COL27A1: variants seen among roughly 807,000 people sequenced by gnomAD.
COL27A1 encodes collagen type XXVII alpha 1 chain, also known as collagen alpha-1(XXVII) chain.
A neutral mutation model predicts 251.3 loss-of-function variants in COL27A1; 106 were observed. The observed-to-expected ratio is 0.42, with a 90% CI of 0.36 to 0.50. The LOEUF is 0.50. COL27A1 is among the 20% of genes least tolerant of loss of function. COL27A1 has a pLI of 0.00. For synonymous variants in COL27A1, 1,000 were observed against 986.3 expected, an observed-to-expected ratio of 1.01 and a Z score of -0.26; for missense variants, 2,325 against 2,522.8, an observed-to-expected ratio of 0.92 and a Z score of 1.68.
At chr9:114,155,222 C>T (rs887364091), upstream of COL27A1, among the ~76,000 whole-genome samples, 2 of 152,076 alleles carry the variant, frequency 1.3e-5, no homozygotes, top group African/African-American at 4.8e-5. The surrounding 1 kb of genome is among the most constrained non-coding windows in gnomAD (Gnocchi z 5.5). Context: ...TGGCCCTTCT[C>T]CCCTACCCCA....
chr9:114,200,748 AC>A (rs1829508627), intron 7 of COL27A1, among the ~76,000 whole-genome samples: 1 of 151,980 alleles, frequency 6.6e-6, no homozygotes, highest in Non-Finnish European at 1.5e-5. Context: ...AAGACCCTCT[AC>A]TCTAGGCATG....
intron 7 of COL27A1, among the ~76,000 whole-genome samples, chr9:114,199,964 T>TCTCC: frequency 6.6e-6 from 1 of 152,294 alleles, no homozygotes; most frequent in African/African-American, 2.4e-5. Flanking sequence ...GACTTGCTTC[T>TCTCC]CTCCAGCCTG....
At chr9:114,197,876 C>T (rs1021276451) in intron 7 of COL27A1, among the ~76,000 whole-genome samples, 2 of 152,210 alleles carry the variant, frequency 1.3e-5, no homozygotes, top group African/African-American at 4.8e-5. Flanking sequence ...GGGTGCTGGG[C>T]GAAGTGTCGG....
chr9:114,159,334 G>A (rs1026078591), intron 1 of COL27A1, among the ~76,000 whole-genome samples: 1 of 152,176 alleles, frequency 6.6e-6, no homozygotes, highest in Non-Finnish European at 1.5e-5. Context: ...AACTGACCGA[G>A]AAGGACATGT....
intron 16 of COL27A1, among the ~76,000 whole-genome samples, chr9:114,234,218 A>G (rs1832185676): frequency 6.6e-6 from 1 of 150,992 alleles, no homozygotes; most frequent in Non-Finnish European, 1.5e-5. Context: ...ACATTAAAAA[A>G]AAAAAAAAAA....
In COL27A1 at chr9:114,209,713, G is replaced by T. The variant is rs780610448; in HGVS notation, c.2307G>T (p.Gly769=). The T allele has an allele frequency of 1.7e-5, 28 of 1,614,066 alleles. No homozygotes were observed. In the Admixed American group the frequency reaches 2.7e-4, roughly 15 times the overall value. ...IGLPGLFGLP[G]SDGERGLPGV... is the part of the protein sequence containing the mutation. ...TCCCAGGGCTCTTCGGCCTGCCAGGGTCTGATGGAGAACGAGTAAGTTTGC... is the reference window on the plus strand; with the variant it reads ...TCCCAGGGCTCTTCGGCCTGCCAGGTTCTGATGGAGAACGAGTAAGTTTGC... The change falls in exon 11 of 61, where the codon GGG becomes GGT. Residue 769 remains glycine (G), a synonymous_variant. Coordinates refer to ENST00000356083, the MANE Select transcript of COL27A1 (RefSeq NM_032888.4).
chr9:114,242,164 T>C (rs1832807179), intron 21 of COL27A1, 23 bp from the exon 22 acceptor site: 2 of 1,585,782 alleles, frequency 1.3e-6, no homozygotes, highest in Middle Eastern at 1.7e-4. Flanking sequence ...CCTTTTTTCC[T>C]CTCTCGTGTC....
At position 114,245,148 on chromosome 9, in the gene COL27A1, G is replaced by GTTTTGTTTT. The variant is rs1833027956; in HGVS notation, c.2935-714_2935-713insGTTTTTTTT. Among the ~76,000 whole-genome samples, 4 of 101,332 alleles carry GTTTTGTTTT rather than the reference G, an allele frequency of 3.9e-5. 1 individual carries two copies. The highest frequency in any genetic ancestry group is 1.5e-4 in the African/African-American group (4 of 25,882). 66.5% of individuals were successfully genotyped at this position (101,332 alleles called of 152,430 possible). On this transcript the variant is annotated intron_variant, in intron 23 of 60. Coordinates refer to ENST00000356083, the MANE Select transcript of COL27A1 (RefSeq NM_032888.4). ...TGATGCAGTGGGAATGTGCATTCTTGTTTTTTTTTTTTTTTTTTTTTTTTT... is the reference window on the plus strand; with the variant it reads ...TGATGCAGTGGGAATGTGCATTCTTGTTTTGTTTTTTTTTTTTTTTTTTTTTTTTTTTTT...
chr9:114,227,064 C>G (rs1477888544), intron 14 of COL27A1, among the ~76,000 whole-genome samples: 1 of 152,156 alleles, frequency 6.6e-6, no homozygotes, highest in Non-Finnish European at 1.5e-5. Context: ...TAGGAAACAG[C>G]TTGAGCCAGG....
upstream of COL27A1, among the ~76,000 whole-genome samples, chr9:114,154,735 T>C (rs1402130644): frequency 2.0e-5 from 3 of 152,038 alleles, no homozygotes; most frequent in East Asian, 5.8e-4. The surrounding 1 kb of genome is among the most constrained non-coding windows in gnomAD (Gnocchi z 5.8). Flanking sequence ...TGGGACCGTG[T>C]GTGAGCGTGT....
chr9:114,172,694 C>T (rs1213358496), intron 3 of COL27A1, among the ~76,000 whole-genome samples: 2 of 151,948 alleles, frequency 1.3e-5, no homozygotes, highest in African/African-American at 2.4e-5. Context: ...CTTGGGAGGC[C>T]GAGGTAGGAG....
intron 5 of COL27A1, among the ~76,000 whole-genome samples, chr9:114,187,346 A>G (rs796317310): frequency 1.1e-4 from 16 of 152,370 alleles, no homozygotes; most frequent in African/African-American, 3.6e-4. Flanking sequence ...GATGTCAAGA[A>G]GAAAGTGAGC....
chr9:114,166,398 C>CCAT lies in COL27A1; in HGVS notation c.134-1290_134-1289insATC, dbSNP rs1347413059. Among the ~76,000 whole-genome samples, 1,041 of 144,600 alleles carry CCAT rather than the reference C, an allele frequency of 7.2e-3. 15 individuals are homozygous for CCAT. The highest frequency in any genetic ancestry group is 8.9e-3 in the Non-Finnish European group (590 of 66,032). The allele number at this position is 144,600 out of a possible 152,430, so 94.9% of individuals were successfully genotyped here. A position where few individuals can be genotyped will look rare whatever the true frequency, so the allele number is the denominator to read the frequency against. On this transcript the variant is annotated intron_variant, in intron 2 of 60. Coordinates refer to ENST00000356083, the MANE Select transcript of COL27A1 (RefSeq NM_032888.4). ...ATCCATCCATCCATCCATCCATCCA[C>CCAT]CCACCCACCTATCCATTTATCCATT...
chr9:114,250,791 G>C, intron 25 of COL27A1, 123 bp downstream of exon 25: 2 of 791,988 alleles, frequency 2.5e-6, no homozygotes, highest in East Asian at 2.7e-5. Flanking sequence ...CTCCTGACCT[G>C]GCATTCTGAG....
intron 5 of COL27A1, among the ~76,000 whole-genome samples, chr9:114,191,368 G>C (rs1405204214): frequency 1.3e-5 from 2 of 152,060 alleles, no homozygotes; most frequent in Non-Finnish European, 2.9e-5. Context: ...CCGTCACCTA[G>C]GTATTAAGCA....
At chr9:114,277,851 G>A (rs574753441) in intron 37 of COL27A1, among the ~76,000 whole-genome samples, 4 of 152,258 alleles carry the variant, frequency 2.6e-5, no homozygotes, top group African/African-American at 7.2e-5. Flanking sequence ...GAGCTCCAGC[G>A]TTCTAGGGAC....
At chr9:114,265,722 G>T (rs1266664069) in intron 32 of COL27A1, among the ~76,000 whole-genome samples, 2 of 152,226 alleles carry the variant, frequency 1.3e-5, no homozygotes, top group Non-Finnish European at 2.9e-5. Context: ...TTGCCATTCT[G>T]TTGTGAAGAT....
intron 12 of COL27A1, chr9:114,218,361 A>T: frequency 6.3e-6 from 1 of 157,484 alleles, no homozygotes; most frequent in Non-Finnish European, 1.4e-5. Flanking sequence ...CCAGTTGGAC[A>T]CGCGTTTGAG....
rs543792537 is a variant in COL27A1 at position 114,282,515 on chromosome 9, C to T, written c.3830C>T (p.Pro1277Leu). Residue 1277 changes from proline (P) to leucine (L), a missense_variant, in exon 39 of 61, where the codon CCC becomes CTC. Physicochemically the swap from Pro to Leu is moderately conservative, Grantham distance 98. Around this residue, in one of 4 missense-constraint regions of COL27A1, gnomAD observed 662 missense variants for 795.3 expected, o/e 0.83. Transcript: ENST00000356083. ...ATGGGCGTCCCTGGAGACCCTGGAC[C>T]CCCTGGCACTCCAGGCCCTAAAGGG... ...GEMGVPGDPG[P>L]PGTPGPKGSR... 31 of 1,571,676 alleles carry T rather than the reference C, an allele frequency of 2.0e-5. No individual in the cohort carries two copies. The South Asian group carries it at 3.2e-4, about 16-fold the overall frequency.
Sources: allele counts gnomAD v4.1 joint callset (sites outside exome capture counted in the v4.1 genomes callset), GRCh38; gene constraint gnomAD v4.1.1; regional missense constraint gnomAD v4.1.1; non-coding constraint Gnocchi (gnomAD v3.1); transcripts MANE v1.5; gene names NCBI Gene and HGNC (gene_info 2026-07-23, HGNC 2026-07-21).